SOD2: variants seen among roughly 807,000 people sequenced by gnomAD.
SOD2 encodes the protein superoxide dismutase [Mn], mitochondrial.
Under a neutral mutation model 27.0 loss-of-function variants are expected in SOD2, and 11 were observed. That is an observed-to-expected ratio of 0.41 (90% CI 0.26 to 0.67). The LOEUF is 0.67. Ranked by LOEUF, SOD2 falls within the 30% of genes least tolerant of loss-of-function variation. The probability of loss-of-function intolerance (pLI) is 0.34; values close to 1 mark genes in which losing one functional copy is unlikely to be tolerated. For missense variants in SOD2, 250 were observed against 274.5 expected, an observed-to-expected ratio of 0.91 and a Z score of 0.63; for synonymous variants, 105 against 103.0, an observed-to-expected ratio of 1.02 and a Z score of -0.12.
chr6:159,729,453 G>C (rs1427005857), upstream of SOD2, among the ~76,000 whole-genome samples: 2 of 152,146 alleles, frequency 1.3e-5, no homozygotes, highest in African/African-American at 4.8e-5. Context: ...TGTTCCATCT[G>C]ACTAAAATAT....
intron 1 of SOD2, among the ~76,000 whole-genome samples, chr6:159,754,592 T>C (rs1779935482): frequency 6.6e-6 from 1 of 152,238 alleles, no homozygotes; most frequent in Non-Finnish European, 1.5e-5. Context: ...TAAAATGATG[T>C]CATATTTACA....
intron 1 of SOD2, chr6:159,753,339 G>T: frequency 7.5e-7 from 1 of 1,342,038 alleles, no homozygotes; most frequent in East Asian, 2.4e-5. Flanking sequence ...TGGTAATTAT[G>T]GGGAAGCATC....
rs772952307 is a variant in SOD2, at chr6:159,742,183, TCTC to T, written c.-116+2944_-116+2946del. 45 of 1,495,068 alleles carry T rather than the reference TCTC, an allele frequency of 3.0e-5. No individual in the cohort carries two copies. The East Asian group carries it at 7.7e-4, about 26-fold the overall frequency. The allele number at this position is 1,495,068 out of a possible 1,614,324, so 92.6% of individuals were successfully genotyped here. A position where few individuals can be genotyped will look rare whatever the true frequency, so the allele number is the denominator to read the frequency against. On this transcript the variant is annotated intron_variant, in intron 1 of 3. Transcript: ENST00000537657. ...TTTTAGCTTCCTAAAGACTGAATAA[TCTC>T]CTTTTGATTGTTAAAATCAAAAGGA...
rs566891748 is a variant in SOD2, at chr6:159,734,992, C to A, written c.-116+10138G>T. ...TAAAAAACAGCATAATAAAGTGTTC[C>A]CTACTTGAATTCATTAACCTATCTT... On this transcript the variant is annotated intron_variant, in intron 1 of 3. Transcript: ENST00000537657. 5.9e-5 allele frequency among the ~76,000 whole-genome samples: 9 copies of A among 152,132 alleles called. No homozygotes were observed. In the South Asian group the frequency reaches 1.9e-3, roughly 32 times the overall value.
exon 1 of SOD2, chr6:159,761,888 CG>C (rs1780138851): frequency 1.5e-5 from 5 of 338,266 alleles, no homozygotes; most frequent in Non-Finnish European, 5.1e-6. Context: ...CCGCGCCCCG[CG>C]CCCCGCGCGC....
chr6:159,732,646 T>G (rs1778644079), intron 1 of SOD2, among the ~76,000 whole-genome samples: 1 of 151,872 alleles, frequency 6.6e-6, no homozygotes, highest in Non-Finnish European at 1.5e-5. Flanking sequence ...ACCAGCCTGG[T>G]CAACATGGTG....
intron 1 of SOD2, chr6:159,755,438 GACTCTCCCACGGGCAGTGAAA>G (rs768769785): frequency 6.2e-7 from 1 of 1,614,130 alleles, no homozygotes; most frequent in African/African-American, 1.3e-5. Flanking sequence ...TGAAAGTGTA[GACTCTCCCACGGGCAGTGAAA>G]ACTCTCTCAC....
chr6:159,735,227 G>A (rs1429195212), intron 1 of SOD2, among the ~76,000 whole-genome samples: 5 of 152,100 alleles, frequency 3.3e-5, no homozygotes, highest in African/African-American at 4.8e-5. Flanking sequence ...TGCAACCTCC[G>A]CCTCCCAGGT....
chr6:159,714,836 T>C (rs1777896643), intron 1 of SOD2, among the ~76,000 whole-genome samples: 2 of 152,250 alleles, frequency 1.3e-5, no homozygotes, highest in African/African-American at 4.8e-5. Context: ...CTGCCTCCTT[T>C]CTTGGACCTT....
intron 1 of SOD2, chr6:159,760,740 G>A (rs1317733112): frequency 1.3e-5 from 2 of 152,322 alleles, no homozygotes; most frequent in Admixed American, 1.3e-4. Flanking sequence ...CATGTTAAGG[G>A]GATGTGAGAG....
At chr6:159,738,847 T>C (rs191136658) in intron 1 of SOD2, 22 of 527,396 alleles carry the variant, frequency 4.2e-5, no homozygotes, top group African/African-American at 3.9e-4. Flanking sequence ...AAAAAAACTT[T>C]TGTAATAAAA....
chr6:159,762,217 T>C, exon 1 of SOD2: 1 of 1,514,662 alleles, frequency 6.6e-7, no homozygotes, highest in South Asian at 1.2e-5. Context: ...GCCGGACTTG[T>C]GTAGGAGAGG....
intron 1 of SOD2, chr6:159,753,654 T>A (rs1444108471): frequency 1.3e-6 from 2 of 1,566,146 alleles, no homozygotes; most frequent in East Asian, 4.5e-5. Flanking sequence ...GTCTCAACTT[T>A]GCATTGGCTT....
chr6:159,676,147 T>C lies in SOD2; in HGVS notation c.*6346A>G, dbSNP rs2114750492. 6.6e-6 allele frequency: 1 copy of C among 152,298 alleles called. No individual in the cohort carries two copies. The highest frequency in any genetic ancestry group is 1.9e-4 in the East Asian group (1 of 5,184). 9.4% of individuals were successfully genotyped at this position (152,298 alleles called of 1,614,324 possible). A position where few individuals can be genotyped will look rare whatever the true frequency, so the allele number is the denominator to read the frequency against. On this transcript the variant is annotated 3_prime_UTR_variant, in exon 5 of 5. Transcript: ENST00000538183. ...AATAGGAACACTTTTACACTGGTGG[T>C]GGGACTGTAAACTAGTTCAACCATT...
chr6:159,730,269 C>T (rs1218594136), upstream of SOD2, among the ~76,000 whole-genome samples: 1 of 152,146 alleles, frequency 6.6e-6, no homozygotes, highest in Non-Finnish European at 1.5e-5. Context: ...AAGAACTGAA[C>T]ATATTTTCTT....
intron 1 of SOD2, among the ~76,000 whole-genome samples, chr6:159,699,346 G>A: frequency 6.6e-6 from 1 of 152,128 alleles, no homozygotes; most frequent in East Asian, 1.9e-4. Context: ...CAGCTTCCTG[G>A]AGTTTCCCTT....
intron 1 of SOD2, chr6:159,726,681 T>C (rs1359947205): frequency 1.3e-5 from 13 of 966,834 alleles, no homozygotes; most frequent in Non-Finnish European, 1.7e-5. Context: ...GTGTTCCAGT[T>C]AGCAAGGGGC....
chr6:159,691,516 CATT>C (rs1777188012), intron 2 of SOD2: 1 of 152,108 alleles, frequency 6.6e-6, no homozygotes, highest in African/African-American at 2.4e-5. Context: ...GAAAAGTAAA[CATT>C]TTTTACTACG....
At position 159,678,896 on chromosome 6, in the gene SOD2, C is replaced by G. The variant is rs1423367752; in HGVS notation, c.*3597G>C. On this transcript the variant is annotated 3_prime_UTR_variant, in exon 5 of 5. Coordinates refer to ENST00000538183, the MANE Select transcript of SOD2 (RefSeq NM_000636.4). Reference sequence around the variant, plus strand: ...AAAAGTATTGAGTGGTATGTGACAACAGCAAAAACACTTTGGTTTTGTCGT... The same window carrying G: ...AAAAGTATTGAGTGGTATGTGACAAGAGCAAAAACACTTTGGTTTTGTCGT... 2 of 152,178 alleles carry G rather than the reference C, an allele frequency of 1.3e-5. No individual in the cohort carries two copies. Among genetic ancestry groups the G allele is most frequent in the African/African-American group, 2.4e-5 (1 of 41,430 alleles). The allele number at this position is 152,178 out of a possible 1,614,324, so 9.4% of individuals were successfully genotyped here. A position where few individuals can be genotyped will look rare whatever the true frequency, so the allele number is the denominator to read the frequency against.
Sources: gnomAD v4.1 joint callset for allele counts (sites outside exome capture counted in the v4.1 genomes callset) on GRCh38, gnomAD v4.1.1 for gene constraint, MANE v1.5 for transcripts, NCBI Gene and HGNC (gene_info 2026-07-23, HGNC 2026-07-21) for gene names.